The following FOXP1 variants were observed in gnomAD, a reference collection of about 807,000 sequenced individuals.
FOXP1 encodes forkhead box protein P1.
FOXP1 carries 15 observed loss-of-function variants against 98.2 expected under a neutral mutation model. The observed-to-expected ratio is 0.15, with a 90% CI of 0.10 to 0.24. FOXP1 has a LOEUF of 0.24. Among genes scored for constraint, FOXP1 ranks in the 10% least tolerant of loss-of-function variants. FOXP1 has a pLI of 1.00. For missense variants in FOXP1, 633 were observed against 848.5 expected (o/e 0.75, Z 3.15); for synonymous variants, 371 against 314.5 (o/e 1.18, Z -1.90).
At chr3:71,123,643 C>T (rs189778020) in intron 6 of FOXP1, among the ~76,000 whole-genome samples, 5 of 152,320 alleles carry the variant, frequency 3.3e-5, no homozygotes, top group Admixed American at 1.3e-4. Flanking sequence ...TACACTTCAC[C>T]TCCATCTAAG....
chr3:71,129,069 T>G (rs936178151), intron 6 of FOXP1, among the ~76,000 whole-genome samples: 1 of 152,094 alleles, frequency 6.6e-6, no homozygotes, highest in Non-Finnish European at 1.5e-5. Flanking sequence ...AAACATGCCA[T>G]CCAGAAAAAA....
intron 3 of FOXP1, among the ~76,000 whole-genome samples, chr3:71,434,280 C>A (rs991560304): frequency 1.3e-5 from 2 of 151,888 alleles, no homozygotes; most frequent in Non-Finnish European, 2.9e-5. Context: ...AGAGCCCCCC[C>A]GAAGACTTGT....
At chr3:71,041,561 C>G (rs1246742304) in intron 10 of FOXP1, 29 bp from the exon 11 acceptor site, 62 of 1,592,790 alleles carry the variant, frequency 3.9e-5, no homozygotes, top group Non-Finnish European at 4.8e-5. Flanking sequence ...ATAATTAAAT[C>G]AATTAACAGC....
At chr3:71,583,504 G>A in intron 1 of FOXP1, 67 bp downstream of exon 1, 1 of 975,038 alleles carries the variant, frequency 1.0e-6, no homozygotes, top group Non-Finnish European at 1.2e-6. Context: ...GTTGTTTAAA[G>A]TGGCGGAAAC....
chr3:71,502,180 C>T (rs1260532347), intron 2 of FOXP1, among the ~76,000 whole-genome samples: 1 of 152,306 alleles, frequency 6.6e-6, no homozygotes, highest in Non-Finnish European at 1.5e-5. Context: ...AAACACAAAC[C>T]TTCCGTTCCC....
chr3:71,049,127 C>T (rs2049463672), intron 9 of FOXP1, among the ~76,000 whole-genome samples: 1 of 152,136 alleles, frequency 6.6e-6, no homozygotes, highest in Non-Finnish European at 1.5e-5. Context: ...GTGCAGTCCC[C>T]TCGGCAGGTC....
intron 17 of FOXP1, among the ~76,000 whole-genome samples, chr3:70,974,899 GCCAAAACTTCAGTTCTGTTTT>G (rs889484671): frequency 4.6e-5 from 7 of 152,106 alleles, no homozygotes; most frequent in Admixed American, 3.3e-4. Context: ...AAGACACAAA[GCCAAAACTTCAGTTCTGTTTT>G]CCAAAACTGC....
intron 4 of FOXP1, among the ~76,000 whole-genome samples, chr3:71,328,184 C>A (rs1489852663): frequency 1.3e-5 from 2 of 152,132 alleles, no homozygotes; most frequent in Non-Finnish European, 2.9e-5. Context: ...AATCTCGGCA[C>A]TTTGGGAGGC....
chr3:71,405,289 C>G (rs879773402), intron 3 of FOXP1, among the ~76,000 whole-genome samples: 5 of 152,186 alleles, frequency 3.3e-5, no homozygotes, highest in Admixed American at 6.5e-5. Context: ...CCTCAGAAGG[C>G]AGGTGTGAAT....
rs546551630 is a variant in FOXP1, at chr3:70,984,406, A to G, written c.1146+3588T>C. ...AGCTTAGACATCATTTCTCCCAGCA[A>G]TCTCCCCTGACTTTACCATTCTGGG... On this transcript the variant is annotated intron_variant, in intron 14 of 20. Transcript: ENST00000649528. Among the ~76,000 whole-genome samples, 6 of 152,150 alleles carry G rather than the reference A, an allele frequency of 3.9e-5. No homozygotes were observed. In the East Asian group the frequency reaches 9.7e-4, roughly 25 times the overall value.
chr3:71,420,784 G>A (rs1432090192), intron 3 of FOXP1, among the ~76,000 whole-genome samples: 15 of 151,320 alleles, frequency 9.9e-5, no homozygotes, highest in Admixed American at 2.0e-4. Flanking sequence ...AAGGCTCACT[G>A]TAGCCTTGAA....
intron 11 of FOXP1, among the ~76,000 whole-genome samples, chr3:71,024,935 T>C (rs2045918424): frequency 6.6e-6 from 1 of 152,170 alleles, no homozygotes; most frequent in South Asian, 2.1e-4. Flanking sequence ...TCTATAGTGG[T>C]CCTCAGGGCA....
intron 5 of FOXP1, among the ~76,000 whole-genome samples, chr3:71,267,945 G>T (rs2069867189): frequency 6.6e-6 from 1 of 150,832 alleles, no homozygotes; most frequent in South Asian, 2.1e-4. Flanking sequence ...TTGAACTTGG[G>T]AGATGGAGGT....
chr3:71,067,327 A>G (rs972791348), intron 7 of FOXP1, among the ~76,000 whole-genome samples: 2 of 152,198 alleles, frequency 1.3e-5, no homozygotes, highest in African/African-American at 2.4e-5. Flanking sequence ...CTTGCCCTGT[A>G]TTTGGGATTC....
chr3:71,142,474 G>C (rs2060118221), intron 6 of FOXP1, among the ~76,000 whole-genome samples: 1 of 152,214 alleles, frequency 6.6e-6, no homozygotes, highest in South Asian at 2.1e-4. Context: ...TTAGAGCCCA[G>C]AGATAGAGGA....
intron 7 of FOXP1, among the ~76,000 whole-genome samples, chr3:71,099,896 A>T (rs1417342466): frequency 6.6e-6 from 1 of 152,234 alleles, no homozygotes; most frequent in Non-Finnish European, 1.5e-5. Context: ...TTCAGAGCTG[A>T]TCAAGAAGAG....
At chr3:71,237,432 G>A (rs1436708564) in intron 5 of FOXP1, among the ~76,000 whole-genome samples, 1 of 151,980 alleles carries the variant, frequency 6.6e-6, no homozygotes, top group East Asian at 1.9e-4. Flanking sequence ...AGCTAGCCAC[G>A]CTTCCAGGGC....
intron 3 of FOXP1, among the ~76,000 whole-genome samples, chr3:71,489,601 T>A (rs951228304): frequency 6.6e-6 from 1 of 152,212 alleles, no homozygotes; most frequent in Admixed American, 6.5e-5. Flanking sequence ...GTGATGTGCA[T>A]CCTATAGGTA....
At chr3:71,530,757 A>G (rs959651358) in intron 2 of FOXP1, among the ~76,000 whole-genome samples, 3 of 152,214 alleles carry the variant, frequency 2.0e-5, no homozygotes, top group African/African-American at 7.2e-5. Context: ...CAACCAGAAA[A>G]CGAAGAGTGG....
Sources: allele counts gnomAD v4.1 joint callset (sites outside exome capture counted in the v4.1 genomes callset), GRCh38; gene constraint gnomAD v4.1.1; transcripts MANE v1.5; gene names NCBI Gene and HGNC (gene_info 2026-07-23, HGNC 2026-07-21).